Variants in PCDHGB3 observed in about 807,000 individuals in gnomAD.
The protein encoded by PCDHGB3 is protocadherin gamma-B3.
PCDHGB3 carries 40 observed loss-of-function variants against 59.2 expected under a neutral mutation model. The observed-to-expected ratio is 0.68, with a 90% CI of 0.52 to 0.88. The LOEUF is 0.88. Ranked by LOEUF, PCDHGB3 falls within the 40% of genes least tolerant of loss-of-function variation. The pLI, the probability that PCDHGB3 is intolerant of heterozygous loss-of-function variation, is 0.00. For missense variants in PCDHGB3, 1,309 were observed against 1,187.9 expected (o/e 1.10, Z -1.50); for synonymous variants, 581 against 503.6 (o/e 1.15, Z -2.06).
intron 1 of PCDHGB3, among the ~76,000 whole-genome samples, chr5:141,448,001 G>A (rs143950707): frequency 0.046 from 7,030 of 151,928 alleles, 245 homozygotes; most frequent in African/African-American, 0.093. Context: ...CATGAGAATC[G>A]CTTGAACCCA....
At position 141,371,136 on chromosome 5, in the gene PCDHGB3, A is replaced by C. The variant is rs775992488; in HGVS notation, c.742A>C (p.Arg248=). The part of the protein sequence containing the change: ...NPPVFTQDMY[R]VNVAENLPAG... Reference sequence around the variant, plus strand: ...CCCAGTATTTACTCAGGACATGTACAGGGTCAATGTTGCAGAGAACCTGCC... The same window carrying C: ...CCCAGTATTTACTCAGGACATGTACCGGGTCAATGTTGCAGAGAACCTGCC... Residue 248 remains arginine (R), a synonymous_variant, in exon 1 of 4, where the codon AGG becomes CGG. Coordinates refer to ENST00000576222, the MANE Select transcript of PCDHGB3 (RefSeq NM_018924.5). The C allele has an allele frequency of 6.2e-7, 1 of 1,614,042 alleles. No homozygotes were observed. Among genetic ancestry groups the C allele is most frequent in the Non-Finnish European group, 8.5e-7 (1 of 1,179,900 alleles).
intron 1 of PCDHGB3, chr5:141,382,739 G>C (rs1005950630): frequency 5.2e-6 from 3 of 573,658 alleles, no homozygotes; most frequent in Non-Finnish European, 5.9e-6. Context: ...ACAGAGAAAC[G>C]ACAGATTGCG....
chr5:141,410,774 C>G, intron 1 of PCDHGB3: 4 of 955,126 alleles, frequency 4.2e-6, no homozygotes, highest in Non-Finnish European at 5.8e-6. Context: ...ATAGTTTTCA[C>G]TATGTATTTG....
intron 1 of PCDHGB3, among the ~76,000 whole-genome samples, chr5:141,462,068 C>T (rs1006462521): frequency 6.6e-6 from 1 of 152,196 alleles, no homozygotes; most frequent in African/African-American, 2.4e-5. Context: ...GGTGATCTGC[C>T]CGCCTTGGCC....
rs1018272442 is a variant in PCDHGB3 at position 141,419,770 on chromosome 5, G to T, written c.2415+46961G>T. The stretch of plus-strand genomic sequence containing the variant: ...TGCGTGCTTTGGGTGACAAGGACTC[G>T]GTCCGCCAGCGCCTGCTAGTCGCTG... On this transcript the variant is annotated intron_variant, in intron 1 of 3. Transcript: ENST00000576222. 6.2e-6 allele frequency: 10 copies of T among 1,613,888 alleles called. No homozygotes were observed. The African/African-American group carries it at 1.2e-4, about 19-fold the overall frequency.
chr5:141,414,855 C>T (rs2095795912), intron 1 of PCDHGB3: 3 of 1,614,236 alleles, frequency 1.9e-6, no homozygotes, highest in Non-Finnish European at 2.5e-6. Flanking sequence ...TGGACCAGAA[C>T]GACAATGCGC....
In PCDHGB3 at chr5:141,491,634, C is replaced by T; in HGVS notation, c.2416-3173C>T. On this transcript the variant is annotated intron_variant, in intron 1 of 3. Coordinates refer to ENST00000576222, the MANE Select transcript of PCDHGB3 (RefSeq NM_018924.5). This position sits in a 1 kb window ranked among gnomAD's most constrained non-coding sequence, Gnocchi z 6.9. ...TAAGACCCCTCAGCGTTCAGCAGCC[C>T]ACAGCTCTGGCGCTGGAGCCTGACG... 1 of 1,613,892 alleles carries T rather than the reference C, an allele frequency of 6.2e-7. No individual in the cohort carries two copies. Among genetic ancestry groups the T allele is most frequent in the South Asian group, 1.1e-5 (1 of 91,084 alleles).
rs1383420491 is a variant in PCDHGB3 at position 141,384,736 on chromosome 5, G to A, written c.2415+11927G>A. On this transcript the variant is annotated intron_variant, in intron 1 of 3. Transcript: ENST00000576222. ...GTCATACCTCCTGCTTAAGGCCAGC[G>A]AGCCAGGACTCTTTGCGGTTGGGCT... 3.7e-6 allele frequency: 6 copies of A among 1,613,938 alleles called. No homozygotes were observed. Among genetic ancestry groups the A allele is most frequent in the African/African-American group, 2.7e-5 (2 of 74,932 alleles).
chr5:141,389,084 T>C (rs376665735), intron 1 of PCDHGB3: 12 of 1,613,880 alleles, frequency 7.4e-6, no homozygotes, highest in Admixed American at 1.7e-5. Flanking sequence ...GAAACACGTA[T>C]AAATTAGTGA....
intron 3 of PCDHGB3, among the ~76,000 whole-genome samples, chr5:141,508,772 C>T (rs1015277795): frequency 5.3e-5 from 8 of 152,070 alleles, no homozygotes; most frequent in African/African-American, 1.2e-4. Flanking sequence ...TGAGGTCCCC[C>T]CTCTAGCCCC....
rs762238827 is a variant in PCDHGB3 at position 141,487,202 on chromosome 5, C to T, written c.2416-7605C>T. ...CACTCATCCAGTTGTCCCAGATCTT[C>T]GAGAATCTTCAGCTCCAAGGGAAGG... On this transcript the variant is annotated intron_variant, in intron 1 of 3. Coordinates refer to ENST00000576222, the MANE Select transcript of PCDHGB3 (RefSeq NM_018924.5). This position sits in a 1 kb window ranked among gnomAD's most constrained non-coding sequence, Gnocchi z 5.0. 7 of 1,613,660 alleles carry T rather than the reference C, an allele frequency of 4.3e-6. No homozygotes were observed. The highest frequency in any genetic ancestry group is 1.7e-5 in the Admixed American group (1 of 59,992).
intron 1 of PCDHGB3, chr5:141,403,131 C>T: frequency 5.6e-6 from 9 of 1,614,034 alleles, no homozygotes; most frequent in Non-Finnish European, 6.8e-6. Context: ...CGGGAGCTGG[C>T]GGAGCGCCGA....
At position 141,372,130 on chromosome 5, in the gene PCDHGB3, C is replaced by G. The variant is rs1434489801; in HGVS notation, c.1736C>G (p.Pro579Arg). 2 of 1,613,648 alleles carry G rather than the reference C, an allele frequency of 1.2e-6. No homozygotes were observed. The highest frequency in any genetic ancestry group is 1.7e-6 in the Non-Finnish European group (2 of 1,179,860). ...GGCTCTGCGCTCTTCGATATGGTGC[C>G]GCGCTCTGCAGAGCCTGGCTACCTG... ...PEGSALFDMV[P>R]RSAEPGYLVT... The change falls in exon 1 of 4, where the codon CCG becomes CGG. Residue 579 changes from proline to arginine, a missense_variant. Physicochemically the swap from Pro to Arg is moderately radical, Grantham distance 103. Transcript: ENST00000576222.
chr5:141,429,651 C>G (rs62379161), intron 1 of PCDHGB3, among the ~76,000 whole-genome samples: 5,146 of 152,188 alleles, frequency 0.034, 101 homozygotes, highest in Middle Eastern at 0.088. Context: ...TATTTCTTCC[C>G]AATTTAAAAT....
rs70988800 is a variant in PCDHGB3 at position 141,379,889 on chromosome 5, CTTTTTTTTTTTTT to C, written c.2415+7098_2415+7110del. Among the ~76,000 whole-genome samples the C allele has an allele frequency of 8.7e-4, 44 of 50,836 alleles. 1 individual carries two copies. The South Asian group carries it at 0.014, about 16-fold the overall frequency. The allele number at this position is 50,836 out of a possible 152,430, so 33.4% of individuals were successfully genotyped here. On this transcript the variant is annotated intron_variant, in intron 1 of 3. Transcript: ENST00000576222. ...CTTATTTTATGGTCTGTGAAAGCCT[CTTTTTTTTTTTTT>C]TTTTTTTTTTTTTTTTTGTCAGAGT...
rs1768939732 is a variant in PCDHGB3, at chr5:141,372,646, C to G, written c.2252C>G (p.Ser751Cys). 6.2e-7 allele frequency: 1 copy of G among 1,614,008 alleles called. No homozygotes were observed. The highest frequency in any genetic ancestry group is 8.5e-7 in the Non-Finnish European group (1 of 1,179,876). Residue 751 changes from serine to cysteine, a missense_variant, in exon 1 of 4, where the codon TCC becomes TGC. Transcript: ENST00000576222. The part of the protein sequence containing the change: ...PTYSERTLPY[S>C]YNPCAASHSS... ...TACAGCGAAAGGACTTTGCCTTATT[C>G]CTACAATCCGTGTGCTGCCTCACAT...
At position 141,431,392 on chromosome 5, in the gene PCDHGB3, C is replaced by T. The variant is rs572129534; in HGVS notation, c.2415+58583C>T. 3 of 1,613,888 alleles carry T rather than the reference C, an allele frequency of 1.9e-6. No homozygotes were observed. Among genetic ancestry groups the T allele is most frequent in the Non-Finnish European group, 2.5e-6 (3 of 1,180,048 alleles). On this transcript the variant is annotated intron_variant, in intron 1 of 3. Transcript: ENST00000576222. The surrounding 1 kb of genome is among the most constrained non-coding windows in gnomAD (Gnocchi z 4.8). ...AAGAAAAGGCTGCTCACCACCTGGT[C>T]CTTACGGCCTCCGACGGGGGCGACC... is the stretch of plus-strand genomic sequence containing the variant.
intron 1 of PCDHGB3, chr5:141,398,657 GT>G: frequency 6.2e-7 from 1 of 1,614,018 alleles, no homozygotes; most frequent in South Asian, 1.1e-5. Context: ...CTTAACCCAA[GT>G]TTCTCATTAA....
intron 1 of PCDHGB3, among the ~76,000 whole-genome samples, chr5:141,435,770 C>G (rs1445835726): frequency 6.6e-6 from 1 of 152,070 alleles, no homozygotes; most frequent in Non-Finnish European, 1.5e-5. Context: ...TTGGTGAATT[C>G]TGTAAAGGTG....
Sources: gnomAD v4.1 joint callset for allele counts (sites outside exome capture counted in the v4.1 genomes callset) on GRCh38, gnomAD v4.1.1 for gene constraint, Gnocchi (gnomAD v3.1) non-coding constraint, MANE v1.5 for transcripts, NCBI Gene and HGNC (gene_info 2026-07-23, HGNC 2026-07-21) for gene names.